OTOF: variants seen among roughly 807,000 people sequenced by gnomAD.
The protein encoded by OTOF is fer-1-like family member 2.
A neutral mutation model predicts 236.8 loss-of-function variants in OTOF; 218 were observed. The ratio of observed to expected loss-of-function variants is 0.92; its 90% CI spans 0.82 to 1.03. The LOEUF (loss-of-function observed/expected upper bound fraction) is 1.03, where lower values mean the gene tolerates loss of function less well. Ranked by LOEUF, OTOF falls within the 50% of genes least tolerant of loss-of-function variation. OTOF has a pLI of 0.00. For missense variants in OTOF, 2,590 were observed against 2,694.4 expected (o/e 0.96, Z 0.86); for synonymous variants, 1,041 against 1,072.5 (o/e 0.97, Z 0.57).
intron 15 of OTOF, 56 bp from the exon 16 acceptor site, chr2:26,480,367 G>A: frequency 9.4e-7 from 1 of 1,058,638 alleles, no homozygotes; most frequent in South Asian, 1.3e-5. Context: ...GCAGGTCGGG[G>A]GCCAGGCCTC....
At chr2:26,465,056 A>T in intron 38 of OTOF, 27 bp from the exon 39 acceptor site, 1 of 1,457,402 alleles carries the variant, frequency 6.9e-7, no homozygotes, top group Non-Finnish European at 9.1e-7. Context: ...ACAGGCTTGG[A>T]GGGGCTGGGT....
chr2:26,537,990 G>A (rs55691644), intron 1 of OTOF, among the ~76,000 whole-genome samples: 485 of 152,266 alleles, frequency 3.2e-3, no homozygotes, highest in Non-Finnish European at 5.4e-3. Flanking sequence ...CGGGTCAAAG[G>A]CCATGAGTTC....
In OTOF at chr2:26,480,186, G is replaced by C; in HGVS notation, c.1912+17C>G. The C allele has an allele frequency of 6.5e-7, 1 of 1,529,176 alleles. No individual in the cohort carries two copies. Among genetic ancestry groups the C allele is most frequent in the Non-Finnish European group, 9.1e-7 (1 of 1,103,528 alleles). 94.7% of individuals were successfully genotyped at this position (1,529,176 alleles called of 1,614,324 possible). ...GCACTCACCTAGGCCCGAAGCCCCC[G>C]TGGGCCCAGCACTCACCTATGGTGA... On this transcript the variant is annotated intron_variant, in intron 16 of 46. Transcript: ENST00000272371.
At chr2:26,511,631 G>C (rs1342241417) in intron 5 of OTOF, among the ~76,000 whole-genome samples, 1 of 152,244 alleles carries the variant, frequency 6.6e-6, no homozygotes, top group Non-Finnish European at 1.5e-5. Context: ...CGTTGGGCAA[G>C]CAGGTCAGTC....
chr2:26,511,113 C>A (rs1666376246), intron 5 of OTOF, among the ~76,000 whole-genome samples: 1 of 152,210 alleles, frequency 6.6e-6, no homozygotes, highest in South Asian at 2.1e-4. Flanking sequence ...GTTAGATGAG[C>A]CTGGCCACCC....
chr2:26,503,467 C>T (rs1251198813), intron 6 of OTOF, among the ~76,000 whole-genome samples: 3 of 152,274 alleles, frequency 2.0e-5, no homozygotes, highest in African/African-American at 7.2e-5. Context: ...GGCCAAACAG[C>T]GTTTCTTGAT....
chr2:26,509,151 T>C (rs1456667004), intron 5 of OTOF, among the ~76,000 whole-genome samples: 1 of 152,196 alleles, frequency 6.6e-6, no homozygotes, highest in Non-Finnish European at 1.5e-5. Flanking sequence ...AGAAGGGCCT[T>C]AGAGCATCGC....
Position 26,460,186 on chromosome 2 carries a change from T to A in OTOF, c.5833A>T (p.Ile1945Phe), listed in dbSNP as rs775773667. The A allele has an allele frequency of 6.2e-7, 1 of 1,604,548 alleles. No homozygotes were observed. Among genetic ancestry groups the A allele is most frequent in the Non-Finnish European group, 8.5e-7 (1 of 1,176,120 alleles). Residue 1945 changes from isoleucine to phenylalanine, a missense_variant, in exon 46 of 47, where the codon ATC (isoleucine) becomes TTC (phenylalanine). Coordinates refer to ENST00000272371, the MANE Select transcript of OTOF (RefSeq NM_194248.3). The surrounding 1 kb of genome is among the most constrained non-coding windows in gnomAD (Gnocchi z 5.3). ...GACTTGAGAGGGTTCAGGAACCAGA[T>A]GAAGCTCGTGTCGGGCCGGCTGGAG... ...EKPNRPDTSF[I>F]WFLNPLKSAR... is the part of the protein sequence containing the mutation.
chr2:26,502,513 G>A, intron 6 of OTOF, 87 bp from the exon 7 acceptor site: 1 of 1,413,754 alleles, frequency 7.1e-7, no homozygotes, highest in Middle Eastern at 1.8e-4. Context: ...CCAGAAAGCT[G>A]AGAGTTAAAT....
In OTOF at chr2:26,463,468, C is replaced by A. The variant is rs1664579038; in HGVS notation, c.5192+15G>T. The A allele has an allele frequency of 6.3e-7, 1 of 1,581,580 alleles. No homozygotes were observed. Among genetic ancestry groups the A allele is most frequent in the Non-Finnish European group, 8.6e-7 (1 of 1,161,916 alleles). On this transcript the variant is annotated intron_variant, in intron 41 of 46. Coordinates refer to ENST00000272371, the MANE Select transcript of OTOF (RefSeq NM_194248.3). Reference sequence around the variant, plus strand: ...TGGGCCGGAAGGGAGTAGCGCTGGGCCCCAGGCCGCTCACTTCTTGGGCTT... The same window carrying A: ...TGGGCCGGAAGGGAGTAGCGCTGGGACCCAGGCCGCTCACTTCTTGGGCTT...
At chr2:26,502,184 A>C in intron 7 of OTOF, 116 bp downstream of exon 7, 1 of 1,102,892 alleles carries the variant, frequency 9.1e-7, no homozygotes, top group Non-Finnish European at 1.4e-6. Context: ...AGGTTAGGTT[A>C]GGAAGAAGCC....
At chr2:26,516,233 CG>C (rs1199829003) in intron 5 of OTOF, among the ~76,000 whole-genome samples, 184 bp downstream of exon 5, 1 of 152,152 alleles carries the variant, frequency 6.6e-6, no homozygotes, top group South Asian at 2.1e-4. Flanking sequence ...CCAGTGACCT[CG>C]GGGGTGGACG....
rs763429591 is a variant in OTOF at position 26,474,700 on chromosome 2, C to CT, written c.3127-27dup. ...CTGACGCAACAGACAACCCAGAAGC[C>CT]TCTTGGTGCTTGCTGTCCACACCTG... On this transcript the variant is annotated intron_variant, in intron 25 of 46. Coordinates refer to ENST00000272371, the MANE Select transcript of OTOF (RefSeq NM_194248.3). 6 of 1,612,538 alleles carry CT rather than the reference C, an allele frequency of 3.7e-6. No individual in the cohort carries two copies. In the Admixed American group the frequency reaches 1.0e-4, roughly 27 times the overall value.
chr2:26,533,585 T>C (rs568395467), intron 2 of OTOF, among the ~76,000 whole-genome samples: 1 of 152,216 alleles, frequency 6.6e-6, no homozygotes, highest in South Asian at 2.1e-4. Flanking sequence ...GACAAGAGGG[T>C]TAAACTAGAT....
At chr2:26,488,331 G>A (rs1251184100) in intron 11 of OTOF, among the ~76,000 whole-genome samples, 4 of 152,156 alleles carry the variant, frequency 2.6e-5, no homozygotes, top group Admixed American at 1.3e-4. Context: ...CTGTCAAAGC[G>A]CCTAATGGGG....
chr2:26,461,667 T>A lies in OTOF; in HGVS notation c.5533+29A>T. ...CCTGCCTCTTCTCAGTTCTGGATCCTGAACCCCCATCCCTGCCCTGCTCTG... is the reference window on the plus strand; with the variant it reads ...CCTGCCTCTTCTCAGTTCTGGATCCAGAACCCCCATCCCTGCCCTGCTCTG... On this transcript the variant is annotated intron_variant, in intron 43 of 46. Coordinates refer to ENST00000272371, the MANE Select transcript of OTOF (RefSeq NM_194248.3). This position sits in a 1 kb window ranked among gnomAD's most constrained non-coding sequence, Gnocchi z 6.2. The A allele has an allele frequency of 6.2e-7, 1 of 1,612,730 alleles. No individual in the cohort carries two copies. The highest frequency in any genetic ancestry group is 8.5e-7 in the Non-Finnish European group (1 of 1,179,966).
At position 26,476,228 on chromosome 2, in the gene OTOF, G is replaced by A. The variant is rs140742255; in HGVS notation, c.2766C>T (p.Arg922=). ...AGGGCAGGCCGCACAGGAACTCCTTGCGCTGTTTGCTGAGGCCCAGCCACA... is the reference window on the plus strand; with the variant it reads ...AGGGCAGGCCGCACAGGAACTCCTTACGCTGTTTGCTGAGGCCCAGCCACA... ...LYLWLGLSKQ[R]KEFLCGLPCG... is the part of the protein sequence containing the mutation. Residue 922 remains arginine (R), a synonymous_variant, in exon 23 of 47, where the codon CGC becomes CGT. Transcript: ENST00000272371. 9 of 1,609,004 alleles carry A rather than the reference G, an allele frequency of 5.6e-6. No homozygotes were observed. The highest frequency in any genetic ancestry group is 1.3e-5 in the African/African-American group (1 of 75,024).
At position 26,458,600 on chromosome 2, in the gene OTOF, T is replaced by C. The variant is rs115125526; in HGVS notation, c.*18-380A>G. Among the ~76,000 whole-genome samples, 990 of 152,208 alleles carry C rather than the reference T, an allele frequency of 6.5e-3. 14 individuals are homozygous for C. Among genetic ancestry groups the C allele is most frequent in the African/African-American group, 0.023 (961 of 41,540 alleles). The stretch of plus-strand genomic sequence containing the variant: ...CCTCTTCCTTTCTGATGGACATAAA[T>C]GGCTGTTCCCACCGGGCCCTGCTGA... On this transcript the variant is annotated intron_variant, in intron 46 of 46. Transcript: ENST00000272371.
chr2:26,518,332 C>T (rs1044184007), intron 4 of OTOF, among the ~76,000 whole-genome samples: 1 of 152,226 alleles, frequency 6.6e-6, no homozygotes, highest in Non-Finnish European at 1.5e-5. Flanking sequence ...ATTGTGCTCA[C>T]TTTGAGGTGA....
Sources: allele counts gnomAD v4.1 joint callset (sites outside exome capture counted in the v4.1 genomes callset), GRCh38; gene constraint gnomAD v4.1.1; non-coding constraint Gnocchi (gnomAD v3.1); transcripts MANE v1.5; gene names NCBI Gene and HGNC (gene_info 2026-07-23, HGNC 2026-07-21).